Variants in TMEFF1 observed in about 807,000 individuals in gnomAD.
The protein encoded by TMEFF1 is transmembrane protein with EGF like and two follistatin like domains 1.
TMEFF1 carries 20 observed loss-of-function variants against 47.5 expected under a neutral mutation model. The observed-to-expected ratio is 0.42, with a 90% CI of 0.30 to 0.61. TMEFF1 has a LOEUF of 0.61. TMEFF1 is among the 20% of genes least tolerant of loss of function. The pLI is 0.19. For synonymous variants in TMEFF1, 162 were observed against 166.3 expected, an observed-to-expected ratio of 0.97 and a Z score of 0.20; for missense variants, 411 against 471.1, an observed-to-expected ratio of 0.87 and a Z score of 1.18.
intron 5 of TMEFF1, among the ~76,000 whole-genome samples, chr9:100,533,893 A>G (rs1159618589): frequency 6.6e-6 from 1 of 151,678 alleles, no homozygotes; most frequent in African/African-American, 2.4e-5. Context: ...TAATGTTTGT[A>G]TTTTTAGTAG....
chr9:100,498,650 TG>T, intron 1 of TMEFF1, 114 bp from the exon 2 acceptor site: 8 of 848,248 alleles, frequency 9.4e-6, no homozygotes, highest in Non-Finnish European at 1.3e-5. Flanking sequence ...CACTTCTGAA[TG>T]GGGGGGCTCA....
chr9:100,521,144 G>A (rs868175745), intron 5 of TMEFF1, among the ~76,000 whole-genome samples: 4 of 152,172 alleles, frequency 2.6e-5, no homozygotes, highest in Admixed American at 6.5e-5. Flanking sequence ...GAGTGTATAG[G>A]TTCTTCTGAG....
At position 100,576,506 on chromosome 9, in the gene TMEFF1, A is replaced by G. The variant is rs1425426782; in HGVS notation, c.1059-10A>G. 6.2e-7 allele frequency: 1 copy of G among 1,603,060 alleles called. No homozygotes were observed. The highest frequency in any genetic ancestry group is 8.5e-7 in the Non-Finnish European group (1 of 1,177,314). Reference sequence around the variant, plus strand: ...AATATTTTTCTCTCTTTCTTTTTTTAATGCAACAGAAAATGCCCCAAAAAC... The same window carrying G: ...AATATTTTTCTCTCTTTCTTTTTTTGATGCAACAGAAAATGCCCCAAAAAC... On this transcript the variant is annotated splice_polypyrimidine_tract_variant and intron_variant, in intron 9 of 9. Coordinates refer to ENST00000374879, the MANE Select transcript of TMEFF1 (RefSeq NM_003692.5).
intron 9 of TMEFF1, among the ~76,000 whole-genome samples, chr9:100,574,854 A>G (rs981667235): frequency 3.9e-5 from 6 of 152,178 alleles, no homozygotes; most frequent in African/African-American, 1.4e-4. Flanking sequence ...ATAATGCTCA[A>G]CTACTCAATT....
chr9:100,542,621 A>G (rs1312517480), intron 5 of TMEFF1, among the ~76,000 whole-genome samples: 4 of 152,194 alleles, frequency 2.6e-5, no homozygotes, highest in Non-Finnish European at 5.9e-5. Context: ...TGCTTTTGAA[A>G]AGTCAGTTTC....
chr9:100,567,380 T>C (rs908659902), intron 8 of TMEFF1, among the ~76,000 whole-genome samples: 1 of 152,340 alleles, frequency 6.6e-6, no homozygotes, highest in African/African-American at 2.4e-5. Flanking sequence ...CCTGCAACTT[T>C]CCTGGCTCAT....
intron 8 of TMEFF1, among the ~76,000 whole-genome samples, chr9:100,572,232 T>A (rs868841303): frequency 4.6e-5 from 7 of 152,124 alleles, no homozygotes; most frequent in South Asian, 2.1e-4. Flanking sequence ...TTCTTAGATA[T>A]GACACCAAAA....
At chr9:100,549,413 C>T (rs555228704) in intron 6 of TMEFF1, among the ~76,000 whole-genome samples, 1 of 152,300 alleles carries the variant, frequency 6.6e-6, no homozygotes, top group East Asian at 1.9e-4. Context: ...TACAATTAGA[C>T]ACGGCATTTG....
intron 8 of TMEFF1, among the ~76,000 whole-genome samples, chr9:100,562,967 G>A (rs191436044): frequency 1.6e-3 from 239 of 152,238 alleles, no homozygotes; most frequent in African/African-American, 3.9e-3. Context: ...ACAGGCATAC[G>A]CCACCATGCC....
chr9:100,541,718 T>C (rs1377296746), intron 5 of TMEFF1, among the ~76,000 whole-genome samples: 1 of 152,176 alleles, frequency 6.6e-6, no homozygotes, highest in Non-Finnish European at 1.5e-5. Context: ...GTTTTCACTT[T>C]ATAGGTTTTG....
At chr9:100,559,252 T>C (rs1838970445) in intron 7 of TMEFF1, among the ~76,000 whole-genome samples, 1 of 152,182 alleles carries the variant, frequency 6.6e-6, no homozygotes, top group Non-Finnish European at 1.5e-5. Flanking sequence ...GAGAGCTTGA[T>C]TTCTTTTGCA....
chr9:100,526,984 G>GA (rs1164121081), intron 5 of TMEFF1, among the ~76,000 whole-genome samples: 10 of 142,074 alleles, frequency 7.0e-5, no homozygotes, highest in East Asian at 2.0e-4. Flanking sequence ...AAAAAAAAGG[G>GA]AAAAAAAAAT....
intron 5 of TMEFF1, among the ~76,000 whole-genome samples, chr9:100,534,607 G>A (rs186707755): frequency 1.4e-4 from 21 of 152,278 alleles, no homozygotes; most frequent in African/African-American, 4.8e-4. Context: ...TTGTTTCACT[G>A]AGCTGGACTT....
chr9:100,516,129 T>C (rs576511525), intron 4 of TMEFF1, among the ~76,000 whole-genome samples: 1 of 152,196 alleles, frequency 6.6e-6, no homozygotes, highest in African/African-American at 2.4e-5. Context: ...AGAAGAAAAG[T>C]CCTTTACAAA....
rs551004545 is a variant in TMEFF1, at chr9:100,568,043, A to G, written c.900-4475A>G. 7.2e-5 allele frequency among the ~76,000 whole-genome samples: 11 copies of G among 152,248 alleles called. No homozygotes were observed. In the East Asian group the frequency reaches 1.5e-3, roughly 21 times the overall value. On this transcript the variant is annotated intron_variant, in intron 8 of 9. Transcript: ENST00000374879. ...AGGAAAGACCTGCCCCCATAATTCAATCACCTCCCACTGGGTTCCTCCCAC... is the reference window on the plus strand; with the variant it reads ...AGGAAAGACCTGCCCCCATAATTCAGTCACCTCCCACTGGGTTCCTCCCAC...
intron 5 of TMEFF1, among the ~76,000 whole-genome samples, chr9:100,518,730 T>C (rs1838112352): frequency 6.6e-6 from 1 of 152,224 alleles, no homozygotes. Flanking sequence ...ACAGTGTAAA[T>C]GTATCTCAGT....
intron 1 of TMEFF1, among the ~76,000 whole-genome samples, chr9:100,498,233 A>G (rs1335944383): frequency 5.3e-5 from 8 of 152,268 alleles, no homozygotes; most frequent in Non-Finnish European, 2.9e-5. Flanking sequence ...CAAATGCTCC[A>G]TATTATTTAT....
chr9:100,546,720 T>G (rs892701645), intron 5 of TMEFF1, among the ~76,000 whole-genome samples: 2 of 152,214 alleles, frequency 1.3e-5, no homozygotes, highest in African/African-American at 4.8e-5. Context: ...TGTCCAGTGT[T>G]TTTTGTTGTT....
At position 100,561,458 on chromosome 9, in the gene TMEFF1, C is replaced by T. The variant is rs1839013403; in HGVS notation, c.837C>T (p.Leu279=). 1 of 1,613,880 alleles carries T rather than the reference C, an allele frequency of 6.2e-7. No homozygotes were observed. The highest frequency in any genetic ancestry group is 8.5e-7 in the Non-Finnish European group (1 of 1,179,862). The change falls in exon 8 of 10, where the codon CTC becomes CTT. Residue 279 remains leucine (L), a synonymous_variant. Coordinates refer to ENST00000374879, the MANE Select transcript of TMEFF1 (RefSeq NM_003692.5). Reference sequence around the variant, plus strand: ...ACCACATGCCTTGCCCTGAAAACCTCAATGGTTACTGCATCCATGGAAAAT... The same window carrying T: ...ACCACATGCCTTGCCCTGAAAACCTTAATGGTTACTGCATCCATGGAAAAT... ...IGNHMPCPEN[L]NGYCIHGKCE...
Sources: gnomAD v4.1 joint callset for allele counts (sites outside exome capture counted in the v4.1 genomes callset) on GRCh38, gnomAD v4.1.1 for gene constraint, MANE v1.5 for transcripts, NCBI Gene and HGNC (gene_info 2026-07-23, HGNC 2026-07-21) for gene names.